The following LAMA3 variants were observed in gnomAD, a reference collection of about 807,000 sequenced individuals.
LAMA3 encodes the protein laminin subunit alpha-3.
LAMA3 carries 281 observed loss-of-function variants against 402.0 expected under a neutral mutation model. The observed-to-expected ratio is 0.70, with a 90% CI of 0.63 to 0.77. LAMA3 has a LOEUF of 0.77. Among genes scored for constraint, LAMA3 ranks in the 30% least tolerant of loss-of-function variants. The pLI is 0.00. For missense variants in LAMA3, 3,840 were observed against 4,215.5 expected, an observed-to-expected ratio of 0.91 and a Z score of 2.47; for synonymous variants, 1,431 against 1,558.4, an observed-to-expected ratio of 0.92 and a Z score of 1.93.
chr18:23,783,294 G>A (rs1239994546), intron 11 of LAMA3, among the ~76,000 whole-genome samples: 1 of 152,122 alleles, frequency 6.6e-6, no homozygotes, highest in Non-Finnish European at 1.5e-5. Flanking sequence ...AGACCAATAT[G>A]TGATCCCAAA....
intron 34 of LAMA3, among the ~76,000 whole-genome samples, chr18:23,859,264 C>T (rs2064158425): frequency 6.6e-6 from 1 of 152,190 alleles, no homozygotes; most frequent in Non-Finnish European, 1.5e-5. Context: ...TCACAACACT[C>T]TAACACCAAA....
In LAMA3 at chr18:23,912,791, T is replaced by C. The variant is rs1439381452; in HGVS notation, c.7239T>C (p.Tyr2413=). 1 of 1,613,860 alleles carries C rather than the reference T, an allele frequency of 6.2e-7. No individual in the cohort carries two copies. Among genetic ancestry groups the C allele is most frequent in the Non-Finnish European group, 8.5e-7 (1 of 1,179,690 alleles). Residue 2413 remains tyrosine, a synonymous_variant, in exon 56 of 75, where the codon TAT becomes TAC. Transcript: ENST00000313654. ...ATGACCTGGAAGATTTGAAAGGATA[T>C]ACATCTCTGTCCTTGTTTCTCCAAA... ...LPNDLEDLKG[Y]TSLSLFLQRP...
At chr18:23,752,592 A>G (rs2061772806) in intron 5 of LAMA3, among the ~76,000 whole-genome samples, 1 of 152,052 alleles carries the variant, frequency 6.6e-6, no homozygotes, top group African/African-American at 2.4e-5. Context: ...ATACGTGTGG[A>G]GGGGAACTTT....
At position 23,867,833 on chromosome 18, in the gene LAMA3, G is replaced by A. The variant is rs771876066; in HGVS notation, c.4684-1G>A. 6.2e-7 allele frequency: 1 copy of A among 1,613,292 alleles called. No homozygotes were observed. Among genetic ancestry groups the A allele is most frequent in the Admixed American group, 1.7e-5 (1 of 60,018 alleles). ...ACACATTCATGGTTTTCTTTAAACA[G>A]GGTCAGCACATGTCCATCATCTATG... On this transcript the variant is annotated splice_acceptor_variant, in intron 36 of 74. Coordinates refer to ENST00000313654, the MANE Select transcript of LAMA3 (RefSeq NM_198129.4). LOFTEE classifies it high-confidence loss of function.
chr18:23,827,833 T>C (rs1264193765), intron 23 of LAMA3, among the ~76,000 whole-genome samples: 10 of 152,258 alleles, frequency 6.6e-5, no homozygotes, highest in African/African-American at 2.4e-4. Context: ...ATGACACAGC[T>C]TACCCTAAAA....
chr18:23,773,929 T>C (rs1277793761), intron 9 of LAMA3, among the ~76,000 whole-genome samples: 1 of 152,182 alleles, frequency 6.6e-6, no homozygotes. Flanking sequence ...TCTAATAATT[T>C]CAATTTTTGG....
Position 23,824,457 on chromosome 18 carries a change from G to A in LAMA3, c.2463G>A (p.Pro821=), listed in dbSNP as rs752248404. ...AAQSKEIIFL[P]SKEPAFVTVP... is the part of the protein sequence containing the mutation. Reference sequence around the variant, plus strand: ...AAAGCAAAGAGATCATCTTCCTGCCGAGTAAGGAGCCAGCCTTTGTCACTG... The same window carrying A: ...AAAGCAAAGAGATCATCTTCCTGCCAAGTAAGGAGCCAGCCTTTGTCACTG... The change falls in exon 21 of 75, where the codon CCG becomes CCA. Residue 821 remains proline (P), a synonymous_variant. Transcript: ENST00000313654. The A allele has an allele frequency of 2.5e-6, 4 of 1,614,098 alleles. No individual in the cohort carries two copies. Among genetic ancestry groups the A allele is most frequent in the Non-Finnish European group, 2.5e-6 (3 of 1,179,976 alleles).
At chr18:23,775,489 C>A (rs2062295237) in intron 9 of LAMA3, among the ~76,000 whole-genome samples, 1 of 151,934 alleles carries the variant, frequency 6.6e-6, no homozygotes, top group South Asian at 2.1e-4. Flanking sequence ...CACCCCCAAC[C>A]CCTCTGACTG....
At chr18:23,722,118 T>C (rs1428653085) in intron 2 of LAMA3, among the ~76,000 whole-genome samples, 7 of 152,364 alleles carry the variant, frequency 4.6e-5, no homozygotes, top group African/African-American at 1.7e-4. Flanking sequence ...ACCTATGCTA[T>C]GTCAGTAGAG....
intron 23 of LAMA3, among the ~76,000 whole-genome samples, chr18:23,830,568 A>G (rs1397814136): frequency 3.9e-5 from 6 of 152,132 alleles, no homozygotes; most frequent in Admixed American, 1.3e-4. Flanking sequence ...CCTGATGGAC[A>G]CTCCCTGAAT....
rs1426708140 is a variant in LAMA3, at chr18:23,904,691, C to T, written c.6612C>T (p.Leu2204=). ...CTGCCAGTGCATCTGAATCTGCCCT[C>T]CAGGTGGGCACCTGTACCAGCAGCT... is the stretch of plus-strand genomic sequence containing the variant. ...NRAASASESA[L]QTVIKEDLPR... The change falls in exon 51 of 75, where the codon CTC becomes CTT. Residue 2204 remains leucine (L), a synonymous_variant. Coordinates refer to ENST00000313654, the MANE Select transcript of LAMA3 (RefSeq NM_198129.4). The T allele has an allele frequency of 1.2e-6, 2 of 1,613,910 alleles. No individual in the cohort carries two copies. The highest frequency in any genetic ancestry group is 1.3e-5 in the African/African-American group (1 of 74,940).
At chr18:23,872,899 T>C (rs1168311009) in intron 38 of LAMA3, 1 of 840,242 alleles carries the variant, frequency 1.2e-6, no homozygotes, top group African/African-American at 1.7e-5. Context: ...ACAGGCTGAC[T>C]CATGTGTGAA....
chr18:23,955,051 C>A lies in LAMA3; in HGVS notation c.*403C>A. On this transcript the variant is annotated 3_prime_UTR_variant, in exon 75 of 75. Coordinates refer to ENST00000313654, the MANE Select transcript of LAMA3 (RefSeq NM_198129.4). ...TTATAATTTATGGAATTAAAAAATGCAGTGTAGTCCTTAAATTATGATGTT... is the reference window on the plus strand; with the variant it reads ...TTATAATTTATGGAATTAAAAAATGAAGTGTAGTCCTTAAATTATGATGTT... 3.9e-6 allele frequency: 1 copy of A among 256,218 alleles called. No homozygotes were observed. Among genetic ancestry groups the A allele is most frequent in the Non-Finnish European group, 7.6e-6 (1 of 130,792 alleles). The allele number at this position is 256,218 out of a possible 1,614,324, so 15.9% of individuals were successfully genotyped here.
rs1297088394 is a variant in LAMA3 at position 23,921,578 on chromosome 18, A to G, written c.8170A>G (p.Arg2724Gly). The stretch of plus-strand genomic sequence containing the variant: ...TCTGGGAGGAATTCCAATTGCAATC[A>G]GGGAAAGGTAAGATGATTTTTTTAA... ...YYLGGIPIAI[R>G]ERFNISTPAF... Residue 2724 changes from arginine (R) to glycine (G), a missense_variant, in exon 62 of 75, where the codon AGG becomes GGG. Transcript: ENST00000313654. 1 of 1,613,828 alleles carries G rather than the reference A, an allele frequency of 6.2e-7. No homozygotes were observed. Among genetic ancestry groups the G allele is most frequent in the African/African-American group, 1.3e-5 (1 of 74,926 alleles).
intron 22 of LAMA3, 24 bp from the exon 23 acceptor site, chr18:23,827,290 C>T (rs753305298): frequency 6.2e-7 from 1 of 1,613,398 alleles, no homozygotes; most frequent in Non-Finnish European, 8.5e-7. Context: ...ACTATTGATT[C>T]CATTGTTGTT....
Position 23,758,401 on chromosome 18 carries a change from G to T in LAMA3, c.953G>T (p.Arg318Leu), listed in dbSNP as rs1352649853. Residue 318 changes from arginine (R) to leucine (L), a missense_variant, in exon 7 of 75, where the codon CGG becomes CTG. Coordinates refer to ENST00000313654, the MANE Select transcript of LAMA3 (RefSeq NM_198129.4). The stretch of plus-strand genomic sequence containing the variant: ...CACTTCGCCCACATGCCCAGGTTTC[G>T]GTGTGAATGCCAGCACCACACCTGT... ...CNINNPEKLF[R>L]CECQHHTCGE... 1 of 1,613,478 alleles carries T rather than the reference G, an allele frequency of 6.2e-7. No individual in the cohort carries two copies. The highest frequency in any genetic ancestry group is 8.5e-7 in the Non-Finnish European group (1 of 1,179,678).
In LAMA3 at chr18:23,867,899, A is replaced by G. The variant is rs1169273794; in HGVS notation, c.4749A>G (p.Gly1583=). 6.2e-7 allele frequency: 1 copy of G among 1,614,048 alleles called. No homozygotes were observed. ...NTPRPDRLHH[G]RVHVVEGNFR... ...CACGGCCAGACCGGCTGCATCATGG[A>G]CGAGTGCACGTGGTCGAGGTAAAGG... is the stretch of plus-strand genomic sequence containing the variant. Residue 1583 remains glycine (G), a synonymous_variant, in exon 37 of 75, where the codon GGA becomes GGG. Transcript: ENST00000313654.
intron 60 of LAMA3, 99 bp downstream of exon 60, chr18:23,916,794 A>G (rs2081641080): frequency 3.5e-6 from 4 of 1,157,000 alleles, no homozygotes; most frequent in Middle Eastern, 3.8e-4. Context: ...TAGATCTGGA[A>G]AACAATGTGT....
At chr18:23,731,692 TCC>T (rs2061396807) in intron 2 of LAMA3, among the ~76,000 whole-genome samples, 1 of 152,112 alleles carries the variant, frequency 6.6e-6, no homozygotes, top group Non-Finnish European at 1.5e-5. Flanking sequence ...AGCCTGGAAT[TCC>T]TTTAGCTGAG....
Sources: allele counts gnomAD v4.1 joint callset (sites outside exome capture counted in the v4.1 genomes callset), GRCh38; gene constraint gnomAD v4.1.1; transcripts MANE v1.5; gene names NCBI Gene and HGNC (gene_info 2026-07-23, HGNC 2026-07-21).